Variants in UBE2G1 observed in about 807,000 individuals in gnomAD.
The protein encoded by UBE2G1 is ubiquitin conjugating enzyme E2 G1, also known as ubiquitin-conjugating enzyme E2 G1.
A neutral mutation model predicts 22.7 loss-of-function variants in UBE2G1; 5 were observed. That is an observed-to-expected ratio of 0.22 (90% CI 0.12 to 0.46). The LOEUF is 0.46. UBE2G1 is among the 20% of genes least tolerant of loss of function. The pLI is 0.99. For synonymous variants in UBE2G1, 74 were observed against 67.5 expected (o/e 1.10, Z -0.47); for missense variants, 88 against 203.9 (o/e 0.43, Z 3.46).
At chr17:4,363,582 T>C (rs1005485362) in intron 1 of UBE2G1, among the ~76,000 whole-genome samples, 24 of 152,196 alleles carry the variant, frequency 1.6e-4, no homozygotes, top group Admixed American at 1.2e-3. Context: ...GCTGCTGACA[T>C]TGTTATCTTA....
At chr17:4,282,976 C>G (rs973817356) in intron 4 of UBE2G1, 55 bp from the exon 5 acceptor site, 1 of 1,351,530 alleles carries the variant, frequency 7.4e-7, no homozygotes, top group Admixed American at 1.9e-5. Flanking sequence ...CCTTTATAAT[C>G]TCAAATATTT....
intron 1 of UBE2G1, among the ~76,000 whole-genome samples, chr17:4,344,113 CTCAA>C (rs1351136866): frequency 2.0e-5 from 3 of 152,134 alleles, no homozygotes; most frequent in African/African-American, 4.8e-5. Flanking sequence ...CAAGGTTATT[CTCAA>C]TCAATCGTAA....
chr17:4,362,827 G>A (rs956752111), intron 1 of UBE2G1, among the ~76,000 whole-genome samples: 2 of 152,050 alleles, frequency 1.3e-5, no homozygotes, highest in South Asian at 4.2e-4. Flanking sequence ...ATGTCACTGC[G>A]CTCCAGTCTG....
intron 1 of UBE2G1, among the ~76,000 whole-genome samples, chr17:4,319,347 C>A (rs1239479379): frequency 6.6e-6 from 1 of 152,088 alleles, no homozygotes; most frequent in Non-Finnish European, 1.5e-5. Flanking sequence ...GTGGAACCAA[C>A]CAGGTTAGCC....
chr17:4,289,335 T>C lies in UBE2G1; in HGVS notation c.321A>G (p.Pro107=), dbSNP rs768975002. The stretch of plus-strand genomic sequence containing the variant: ...TGTGGATAGGGAGCCAGCGTTCCTC[T>C]GGCTTTTCATAACCATACTTATCTT... ...PGEDKYGYEK[P]EERWLPIHTV... The change falls in exon 4 of 6, where the codon CCA becomes CCG. Residue 107 remains proline (P), a synonymous_variant. Transcript: ENST00000396981. 6.3e-6 allele frequency: 10 copies of C among 1,596,508 alleles called. No homozygotes were observed. In the East Asian group the frequency reaches 2.3e-4, roughly 37 times the overall value.
intron 3 of UBE2G1, among the ~76,000 whole-genome samples, chr17:4,292,901 A>G (rs923026295): frequency 2.0e-5 from 3 of 152,250 alleles, no homozygotes; most frequent in Admixed American, 6.5e-5. Context: ...TGTAGCAAGT[A>G]TACCTCAAGA....
rs1266436928 is a variant in UBE2G1, at chr17:4,333,478, C to A, written c.47-26355G>T. ...ATCACCTGAGGTCAGAAATTCGACACCAGCCTGGCCAACATGGAGAAACCC... is the reference window on the plus strand; with the variant it reads ...ATCACCTGAGGTCAGAAATTCGACAACAGCCTGGCCAACATGGAGAAACCC... On this transcript the variant is annotated intron_variant, in intron 1 of 5. Transcript: ENST00000396981. 2.0e-5 allele frequency among the ~76,000 whole-genome samples: 3 copies of A among 152,050 alleles called. No individual in the cohort carries two copies. In the East Asian group the frequency reaches 5.8e-4, roughly 29 times the overall value.
chr17:4,335,259 G>A (rs565660283), intron 1 of UBE2G1: 1 of 152,222 alleles, frequency 6.6e-6, no homozygotes, highest in East Asian at 1.9e-4. Flanking sequence ...GTTATATCCT[G>A]ATGAAGTTAC....
intron 1 of UBE2G1, among the ~76,000 whole-genome samples, chr17:4,340,902 A>G (rs1969704109): frequency 1.3e-5 from 2 of 150,440 alleles, no homozygotes; most frequent in South Asian, 4.2e-4. Context: ...TTTAAAAAAA[A>G]AAAAAAAAAA....
At position 4,289,311 on chromosome 17, in the gene UBE2G1, G is replaced by A. The variant is rs1379243371; in HGVS notation, c.345C>T (p.His115=). The A allele has an allele frequency of 8.8e-6, 14 of 1,598,790 alleles. No homozygotes were observed. The highest frequency in any genetic ancestry group is 1.1e-5 in the Non-Finnish European group (13 of 1,172,834). ...CACTAATCATGATGGTTTCCACAGT[G>A]TGGATAGGGAGCCAGCGTTCCTCTG... ...EKPEERWLPI[H]TVETIMISVI... is the part of the protein sequence containing the mutation. Residue 115 remains histidine, a synonymous_variant, in exon 4 of 6, where the codon CAC becomes CAT. Coordinates refer to ENST00000396981, the MANE Select transcript of UBE2G1 (RefSeq NM_003342.5).
At chr17:4,346,429 TTC>T (rs1368862708) in intron 1 of UBE2G1, among the ~76,000 whole-genome samples, 1 of 117,740 alleles carries the variant, frequency 8.5e-6, no homozygotes, top group Non-Finnish European at 1.7e-5. Context: ...CATTTTCTTC[TTC>T]TTTTTTTTTT....
chr17:4,356,322 C>T (rs1167908687), intron 1 of UBE2G1, among the ~76,000 whole-genome samples: 1 of 151,698 alleles, frequency 6.6e-6, no homozygotes, highest in African/African-American at 2.4e-5. Flanking sequence ...GGTGCTACTG[C>T]ACTTCAGCCT....
chr17:4,358,885 G>C (rs1303777647), intron 1 of UBE2G1, among the ~76,000 whole-genome samples: 2 of 152,034 alleles, frequency 1.3e-5, no homozygotes, highest in South Asian at 2.1e-4. Flanking sequence ...CAGGTGGCAA[G>C]AAGTTGCGGT....
intron 3 of UBE2G1, among the ~76,000 whole-genome samples, chr17:4,294,276 C>T (rs1417823870): frequency 1.3e-5 from 2 of 152,006 alleles, no homozygotes; most frequent in African/African-American, 2.4e-5. Context: ...ATTAGCCAGG[C>T]GTGGTAGTGG....
chr17:4,347,746 G>A (rs975491422), intron 1 of UBE2G1, among the ~76,000 whole-genome samples: 1 of 152,054 alleles, frequency 6.6e-6, no homozygotes, highest in African/African-American at 2.4e-5. Context: ...CAAAGTGACA[G>A]GATAAAGGCG....
At chr17:4,353,653 C>T (rs2143820936) in intron 1 of UBE2G1, among the ~76,000 whole-genome samples, 1 of 151,774 alleles carries the variant, frequency 6.6e-6, no homozygotes, top group Non-Finnish European at 1.5e-5. Context: ...GCTGGCACTA[C>T]AGGCACGTGC....
At chr17:4,280,998 G>C (rs1968882430) in intron 5 of UBE2G1, among the ~76,000 whole-genome samples, 2 of 152,204 alleles carry the variant, frequency 1.3e-5, no homozygotes, top group Non-Finnish European at 2.9e-5. Context: ...AAAACAATTT[G>C]GCATTATCTA....
At chr17:4,288,346 C>A (rs1422397604) in intron 4 of UBE2G1, among the ~76,000 whole-genome samples, 2 of 152,098 alleles carry the variant, frequency 1.3e-5, no homozygotes, top group African/African-American at 4.8e-5. Context: ...CCTGCCTCAG[C>A]CTCCCGAGTA....
intron 1 of UBE2G1, among the ~76,000 whole-genome samples, chr17:4,333,596 T>C (rs548283463): frequency 6.6e-6 from 1 of 151,304 alleles, no homozygotes; most frequent in Non-Finnish European, 1.5e-5. Context: ...CTGAGGCGGG[T>C]GGATCACAGG....
Sources: gnomAD v4.1 joint callset for allele counts (sites outside exome capture counted in the v4.1 genomes callset) on GRCh38, gnomAD v4.1.1 for gene constraint, MANE v1.5 for transcripts, NCBI Gene and HGNC (gene_info 2026-07-23, HGNC 2026-07-21) for gene names.